The following MTUS2 variants were observed in gnomAD, a reference collection of about 807,000 sequenced individuals.
MTUS2 encodes the protein microtubule associated scaffold protein 2.
A neutral mutation model predicts 114.1 loss-of-function variants in MTUS2; 40 were observed. That is an observed-to-expected ratio of 0.35 (90% CI 0.27 to 0.46). The LOEUF (loss-of-function observed/expected upper bound fraction) is 0.46. Ranked by LOEUF, MTUS2 falls within the 20% of genes least tolerant of loss-of-function variation. The pLI is 1.00. For missense variants in MTUS2, 1,679 were observed against 1,705.4 expected, an observed-to-expected ratio of 0.98 and a Z score of 0.27; for synonymous variants, 688 against 672.0, an observed-to-expected ratio of 1.02 and a Z score of -0.37.
intron 6 of MTUS2, among the ~76,000 whole-genome samples, chr13:29,299,403 C>A (rs996076156): frequency 6.6e-6 from 1 of 152,172 alleles, no homozygotes; most frequent in African/African-American, 2.4e-5. Flanking sequence ...TCAAGCTGAA[C>A]GCTTTGTTAG....
intron 5 of MTUS2, among the ~76,000 whole-genome samples, chr13:29,243,787 G>A (rs1476439113): frequency 6.6e-6 from 1 of 152,186 alleles, no homozygotes; most frequent in Non-Finnish European, 1.5e-5. Flanking sequence ...TTGAAGAACA[G>A]AAACTCATTC....
At chr13:29,165,698 G>T (rs988378599) in intron 5 of MTUS2, among the ~76,000 whole-genome samples, 1 of 152,138 alleles carries the variant, frequency 6.6e-6, no homozygotes, top group African/African-American at 2.4e-5. Context: ...TATTTATTTG[G>T]CTATCATTAC....
rs762682066 is a variant in MTUS2 at position 29,320,653 on chromosome 13, G to A, written c.2807-3960G>A. On this transcript the variant is annotated intron_variant, in intron 6 of 15. Coordinates refer to ENST00000612955, the MANE Select transcript of MTUS2 (RefSeq NM_001033602.4). The stretch of plus-strand genomic sequence containing the variant: ...AGTTGGGACTTCCTACTGAAGCCCA[G>A]GGTAAGCTTTGGAAAGGTTTTAACA... 5.9e-5 allele frequency among the ~76,000 whole-genome samples: 9 copies of A among 152,342 alleles called. No homozygotes were observed. The East Asian group carries it at 1.5e-3, about 26-fold the overall frequency.
chr13:29,347,202 A>T (rs1247494399), intron 7 of MTUS2, among the ~76,000 whole-genome samples: 1 of 151,948 alleles, frequency 6.6e-6, no homozygotes, highest in Admixed American at 6.6e-5. Context: ...TCACTTTCTG[A>T]TTTCTATTCT....
intron 9 of MTUS2, among the ~76,000 whole-genome samples, chr13:29,453,288 G>A (rs1475215609): frequency 2.6e-5 from 4 of 152,196 alleles, no homozygotes; most frequent in African/African-American, 9.7e-5. Context: ...AAACATAATC[G>A]ACTCAGTTGA....
intron 7 of MTUS2, among the ~76,000 whole-genome samples, chr13:29,341,463 C>A (rs1200767964): frequency 6.6e-6 from 1 of 151,978 alleles, no homozygotes; most frequent in Non-Finnish European, 1.5e-5. Context: ...ATTGTCTATT[C>A]ATGTCTTTAG....
At chr13:29,318,391 C>CTTTTTTTTTTTTTCTTTTT (rs71090240) in intron 6 of MTUS2, among the ~76,000 whole-genome samples, 13,023 of 133,572 alleles carry the variant, frequency 0.097, 789 homozygotes, top group East Asian at 0.15. Context: ...ATTTCTTTTT[C>CTTTTTTTTTTTTTCTTTTT]TTTTTTTTTT....
intron 2 of MTUS2, among the ~76,000 whole-genome samples, chr13:28,853,722 C>T (rs535582207): frequency 6.6e-6 from 1 of 152,278 alleles, no homozygotes; most frequent in East Asian, 1.9e-4. Flanking sequence ...AGTAAAAGTG[C>T]AAATGAGCAT....
At chr13:29,043,354 A>G (rs1206856802) in intron 4 of MTUS2, among the ~76,000 whole-genome samples, 2 of 152,050 alleles carry the variant, frequency 1.3e-5, no homozygotes, top group African/African-American at 4.8e-5. Flanking sequence ...GTGGCCTATC[A>G]TATGCTCTAT....
intron 5 of MTUS2, among the ~76,000 whole-genome samples, chr13:29,232,100 G>A (rs943203694): frequency 6.6e-6 from 1 of 152,094 alleles, no homozygotes; most frequent in Non-Finnish European, 1.5e-5. Flanking sequence ...CCTGTCTAAA[G>A]GTGCAAAGTC....
chr13:28,956,491 C>T (rs1053340348), intron 2 of MTUS2, among the ~76,000 whole-genome samples: 7 of 152,258 alleles, frequency 4.6e-5, no homozygotes, highest in Non-Finnish European at 1.0e-4. Flanking sequence ...TTGGCTTCCC[C>T]ACCAAAGCCT....
At chr13:28,931,489 C>T (rs1457812583) in intron 2 of MTUS2, among the ~76,000 whole-genome samples, 1 of 152,106 alleles carries the variant, frequency 6.6e-6, no homozygotes, top group Non-Finnish European at 1.5e-5. Context: ...CTCTCTCTCA[C>T]CTGCCACCCT....
chr13:29,194,904 A>C (rs981298407), intron 5 of MTUS2, among the ~76,000 whole-genome samples: 1 of 149,742 alleles, frequency 6.7e-6, no homozygotes, highest in African/African-American at 2.4e-5. Context: ...ACCATGGAAT[A>C]CTATGCAGCC....
intron 5 of MTUS2, among the ~76,000 whole-genome samples, chr13:29,104,356 C>T (rs1015777989): frequency 1.6e-4 from 24 of 152,126 alleles, no homozygotes; most frequent in African/African-American, 5.1e-4. Context: ...ACTCTATTTC[C>T]TTCTTAAAGC....
chr13:29,046,365 C>A (rs1887619633), intron 4 of MTUS2, among the ~76,000 whole-genome samples: 1 of 152,182 alleles, frequency 6.6e-6, no homozygotes, highest in South Asian at 2.1e-4. Flanking sequence ...GTTGTCCTGC[C>A]TTGGCCTCTC....
chr13:28,935,378 C>T (rs1312383377), intron 2 of MTUS2, among the ~76,000 whole-genome samples: 1 of 151,992 alleles, frequency 6.6e-6, no homozygotes. Context: ...GGAGAGAATT[C>T]CAAAGTTTTT....
chr13:29,108,015 T>A (rs1354235609), intron 5 of MTUS2, among the ~76,000 whole-genome samples: 1 of 152,216 alleles, frequency 6.6e-6, no homozygotes, highest in Non-Finnish European at 1.5e-5. Flanking sequence ...ATGAAAGCTT[T>A]TTGCAATGTT....
chr13:29,453,455 G>A (rs998219963), intron 9 of MTUS2, among the ~76,000 whole-genome samples: 4 of 152,256 alleles, frequency 2.6e-5, no homozygotes, highest in South Asian at 4.2e-4. Flanking sequence ...ATGTGACCAG[G>A]GCTCTGAGCT....
chr13:29,141,581 C>G (rs568274156), intron 5 of MTUS2, among the ~76,000 whole-genome samples: 3 of 152,258 alleles, frequency 2.0e-5, no homozygotes, highest in Admixed American at 2.0e-4. Flanking sequence ...CTAATTTAGT[C>G]TTCCTAACCT....
Sources: gnomAD v4.1 joint callset for allele counts (sites outside exome capture counted in the v4.1 genomes callset) on GRCh38, gnomAD v4.1.1 for gene constraint, MANE v1.5 for transcripts, NCBI Gene and HGNC (gene_info 2026-07-23, HGNC 2026-07-21) for gene names.